The following GLUD1 variants were observed in gnomAD, a reference collection of about 807,000 sequenced individuals.
GLUD1 encodes glutamate dehydrogenase 1, mitochondrial.
In GLUD1, 22 loss-of-function variants were observed where a neutral mutation model predicts 56.0. The ratio of observed to expected loss-of-function variants is 0.39; its 90% CI spans 0.28 to 0.56. GLUD1 has a LOEUF of 0.56. Among genes scored for constraint, GLUD1 ranks in the 20% least tolerant of loss-of-function variants. GLUD1 has a pLI of 0.58. For missense variants in GLUD1, 451 were observed against 732.0 expected, an observed-to-expected ratio of 0.62 and a Z score of 4.43; for synonymous variants, 223 against 269.9, an observed-to-expected ratio of 0.83 and a Z score of 1.70.
chr10:87,075,876 T>C, intron 3 of GLUD1, 92 bp downstream of exon 3: 1 of 898,102 alleles, frequency 1.1e-6, no homozygotes, highest in Non-Finnish European at 1.8e-6. Context: ...ATTGCGCCAT[T>C]GTACTCCGGC....
At chr10:87,060,512 G>T in intron 8 of GLUD1, 176 bp downstream of exon 8, 1 of 824,032 alleles carries the variant, frequency 1.2e-6, no homozygotes, top group Non-Finnish European at 2.0e-6. Context: ...ACAACTCTGT[G>T]CCGGTAGCTA....
intron 3 of GLUD1, among the ~76,000 whole-genome samples, chr10:87,075,173 T>C (rs1353117072): frequency 6.6e-6 from 1 of 152,126 alleles, no homozygotes; most frequent in Non-Finnish European, 1.5e-5. Context: ...TGGTGAAATC[T>C]CAGCCAACCT....
chr10:87,077,857 C>T (rs540204433), intron 1 of GLUD1, among the ~76,000 whole-genome samples: 19 of 151,888 alleles, frequency 1.3e-4, no homozygotes, highest in African/African-American at 3.9e-4. Flanking sequence ...CAGCCCCTCT[C>T]GAGGGGCTGG....
intron 4 of GLUD1, 24 bp downstream of exon 4, chr10:87,074,527 C>T (rs1564773659): frequency 1.1e-5 from 16 of 1,439,824 alleles, no homozygotes; most frequent in Non-Finnish European, 1.5e-5. Context: ...CACTTTATAC[C>T]AAAAACTATG....
chr10:87,086,154 G>A (rs761181739), intron 1 of GLUD1, among the ~76,000 whole-genome samples: 10 of 152,214 alleles, frequency 6.6e-5, no homozygotes, highest in African/African-American at 2.2e-4. Flanking sequence ...GACAGGCAGA[G>A]GGACTGCACT....
chr10:87,077,748 T>C (rs761647825), intron 1 of GLUD1, among the ~76,000 whole-genome samples: 2 of 151,886 alleles, frequency 1.3e-5, no homozygotes, highest in Non-Finnish European at 2.9e-5. Flanking sequence ...GTGGGGTTGA[T>C]GTTTGACTGC....
intron 1 of GLUD1, among the ~76,000 whole-genome samples, chr10:87,079,622 A>C (rs1841150296): frequency 6.6e-6 from 1 of 152,174 alleles, no homozygotes; most frequent in African/African-American, 2.4e-5. Context: ...AGGGGTGCTA[A>C]TGCCACTCTC....
intron 12 of GLUD1, 48 bp downstream of exon 12, chr10:87,053,294 T>G (rs1564760915): frequency 8.0e-7 from 1 of 1,243,170 alleles, no homozygotes. Context: ...ATGGTTGAGT[T>G]GCACTTCATG....
At chr10:87,075,850 G>A (rs1014308486) in intron 3 of GLUD1, 118 bp downstream of exon 3, 4 of 755,852 alleles carry the variant, frequency 5.3e-6, no homozygotes, top group Non-Finnish European at 9.5e-6. Context: ...GGAGGCGGAG[G>A]TTGCAGTGAG....
chr10:87,061,257 C>T lies in GLUD1; in HGVS notation c.922-205G>A, dbSNP rs934465765. ...AATGTGATGAGCGGGCATGGTGGCTCACGCTTGTAATTCCAGCACTTTGGG... is the reference window on the plus strand; with the variant it reads ...AATGTGATGAGCGGGCATGGTGGCTTACGCTTGTAATTCCAGCACTTTGGG... On this transcript the variant is annotated intron_variant, in intron 6 of 12. Coordinates refer to ENST00000277865, the MANE Select transcript of GLUD1 (RefSeq NM_005271.5). 6 of 684,092 alleles carry T rather than the reference C, an allele frequency of 8.8e-6. No individual in the cohort carries two copies. In the African/African-American group the frequency reaches 8.8e-5, roughly 10 times the overall value. 42.4% of individuals were successfully genotyped at this position (684,092 alleles called of 1,614,324 possible).
At chr10:87,061,664 T>C (rs1845935447) in intron 6 of GLUD1, among the ~76,000 whole-genome samples, 1 of 151,896 alleles carries the variant, frequency 6.6e-6, no homozygotes, top group South Asian at 2.1e-4. Flanking sequence ...TCACACAGGC[T>C]GGAGTGCAAT....
intron 3 of GLUD1, among the ~76,000 whole-genome samples, chr10:87,074,857 GA>G (rs1198530779): frequency 1.3e-5 from 2 of 151,960 alleles, no homozygotes; most frequent in East Asian, 3.9e-4. Flanking sequence ...ATTCCCCACT[GA>G]AAAATACACT....
At chr10:87,068,865 T>C (rs910816021) in intron 4 of GLUD1, among the ~76,000 whole-genome samples, 1 of 151,652 alleles carries the variant, frequency 6.6e-6, no homozygotes, top group Non-Finnish European at 1.5e-5. Context: ...AGATCTCTGA[T>C]AAAAACATGT....
chr10:87,070,328 C>T (rs1291443403), intron 4 of GLUD1, among the ~76,000 whole-genome samples: 14 of 152,130 alleles, frequency 9.2e-5, no homozygotes, highest in African/African-American at 1.4e-4. Context: ...CGGCTGGGCG[C>T]GGTGGCTCAC....
At chr10:87,072,512 A>G (rs1589369593) in intron 4 of GLUD1, among the ~76,000 whole-genome samples, 1 of 152,200 alleles carries the variant, frequency 6.6e-6, no homozygotes, top group African/African-American at 2.4e-5. Flanking sequence ...GGAGTGAGAG[A>G]AAAAACTCCC....
chr10:87,088,983 G>A (rs1273574427), intron 1 of GLUD1, among the ~76,000 whole-genome samples: 1 of 152,186 alleles, frequency 6.6e-6, no homozygotes, highest in East Asian at 1.9e-4. Context: ...CAGGTCTTCG[G>A]AGTTGGGTGT....
Position 87,090,093 on chromosome 10 carries a change from AAC to A in GLUD1, c.445+4230_445+4231del, listed in dbSNP as rs1293410451. Among the ~76,000 whole-genome samples the A allele has an allele frequency of 2.0e-4, 31 of 152,362 alleles. 1 individual carries two copies. Among genetic ancestry groups the A allele is most frequent in the African/African-American group, 6.7e-4 (28 of 41,586 alleles). On this transcript the variant is annotated intron_variant, in intron 1 of 12. Transcript: ENST00000277865. ...TTGGGTAAAATAAATAGAAAAGAAG[AAC>A]AGTCACGTGGCAGAGACTAGTGTCT...
intron 11 of GLUD1, among the ~76,000 whole-genome samples, chr10:87,057,281 C>G (rs919894592): frequency 1.3e-5 from 2 of 152,170 alleles, no homozygotes; most frequent in African/African-American, 4.8e-5. Flanking sequence ...GCCACCATGC[C>G]TGGCCTCTTG....
At position 87,060,131 on chromosome 10, in the gene GLUD1, T is replaced by C. The variant is rs1432160768; in HGVS notation, c.1278+30A>G. The C allele has an allele frequency of 2.3e-6, 3 of 1,317,460 alleles. No individual in the cohort carries two copies. The African/African-American group carries it at 4.3e-5, about 19-fold the overall frequency. The allele number at this position is 1,317,460 out of a possible 1,614,324, so 81.6% of individuals were successfully genotyped here. Reference sequence around the variant, plus strand: ...AAAGACTATTATGATTCTAAGTACATATAAAGCCTAATAAATATAGATGAC... The same window carrying C: ...AAAGACTATTATGATTCTAAGTACACATAAAGCCTAATAAATATAGATGAC... On this transcript the variant is annotated intron_variant, in intron 9 of 12. Transcript: ENST00000277865.
Sources: allele counts gnomAD v4.1 joint callset (sites outside exome capture counted in the v4.1 genomes callset), GRCh38; gene constraint gnomAD v4.1.1; transcripts MANE v1.5; gene names NCBI Gene and HGNC (gene_info 2026-07-23, HGNC 2026-07-21).